Variants in RGS3 observed in about 807,000 individuals in gnomAD.
The protein encoded by RGS3 is regulator of G protein signaling 3, also known as regulator of G-protein signalling 3.
Under a neutral mutation model 132.6 loss-of-function variants are expected in RGS3, and 80 were observed. That is an observed-to-expected ratio of 0.60 (90% CI 0.50 to 0.73). RGS3 has a LOEUF of 0.73. Among genes scored for constraint, RGS3 ranks in the 30% least tolerant of loss-of-function variants. The pLI is 0.00. For synonymous variants in RGS3, 598 were observed against 620.6 expected (o/e 0.96, Z 0.54); for missense variants, 1,382 against 1,530.8 (o/e 0.90, Z 1.62).
intron 20 of RGS3, among the ~76,000 whole-genome samples, chr9:113,587,741 T>G (rs2119008494): frequency 6.6e-6 from 1 of 152,314 alleles, no homozygotes; most frequent in South Asian, 2.1e-4. Context: ...CAGGCAGACC[T>G]CAGAGATAGT....
At chr9:113,520,122 T>A (rs2119397654) in intron 16 of RGS3, among the ~76,000 whole-genome samples, 1 of 152,360 alleles carries the variant, frequency 6.6e-6, no homozygotes, top group African/African-American at 2.4e-5. Context: ...ATCCCTCAAC[T>A]CTGACCCTTT....
intron 3 of RGS3, among the ~76,000 whole-genome samples, chr9:113,476,149 G>A (rs549645232): frequency 1.1e-4 from 16 of 152,270 alleles, no homozygotes; most frequent in East Asian, 5.8e-4. Context: ...TGCTGTCCCC[G>A]ATGGTTCTCT....
At chr9:113,450,629 A>G (rs1326890392) in intron 1 of RGS3, among the ~76,000 whole-genome samples, 1 of 152,128 alleles carries the variant, frequency 6.6e-6, no homozygotes, top group Admixed American at 6.5e-5. Context: ...GAGTCGTTAG[A>G]ACAGGTGAGC....
At chr9:113,517,392 T>TG (rs1831732176) in intron 15 of RGS3, 149 bp from the exon 14 acceptor site, 2 of 709,738 alleles carry the variant, frequency 2.8e-6, no homozygotes, top group Non-Finnish European at 2.6e-6. Context: ...TATGAGGGGG[T>TG]GTGTGGGTTC....
At chr9:113,550,371 A>G (rs1833290621) in intron 19 of RGS3, among the ~76,000 whole-genome samples, 1 of 152,340 alleles carries the variant, frequency 6.6e-6, no homozygotes, top group South Asian at 2.1e-4. Context: ...CTCAAAAAGG[A>G]ACTAAATAAA....
intron 3 of RGS3, among the ~76,000 whole-genome samples, chr9:113,478,671 G>A (rs1369161185): frequency 6.6e-6 from 1 of 152,106 alleles, no homozygotes; most frequent in Non-Finnish European, 1.5e-5. Context: ...AAATAGCTGG[G>A]CACCGTGGTT....
intron 3 of RGS3, among the ~76,000 whole-genome samples, chr9:113,467,077 T>G (rs935561489): frequency 2.1e-4 from 32 of 152,326 alleles, no homozygotes; most frequent in African/African-American, 7.2e-4. Flanking sequence ...CTGAGTAGTA[T>G]TCATTGTATG....
In RGS3 at chr9:113,579,858, C is replaced by A. The variant is rs1748134643; in HGVS notation, c.2038-3592C>A. Among the ~76,000 whole-genome samples, 1 of 152,198 alleles carries A rather than the reference C, an allele frequency of 6.6e-6. No individual in the cohort carries two copies. The highest frequency in any genetic ancestry group is 1.5e-5 in the Non-Finnish European group (1 of 68,034). ...CCATCCACACATCCTGCCCACATTC[C>A]CCAGAGCAGCTTTGACACAGCACAG... On this transcript the variant is annotated intron_variant, in intron 19 of 24. Transcript: ENST00000350696. This position sits in a 1 kb window ranked among gnomAD's most constrained non-coding sequence, Gnocchi z 4.3.
intron 19 of RGS3, among the ~76,000 whole-genome samples, chr9:113,577,491 G>A (rs371431280): frequency 6.6e-5 from 10 of 152,322 alleles, no homozygotes; most frequent in South Asian, 2.1e-4. Flanking sequence ...TGGGCAACTG[G>A]TGGTGGCTTC....
At chr9:113,445,267 G>A (rs911139587) in intron 1 of RGS3, among the ~76,000 whole-genome samples, 9 of 150,680 alleles carry the variant, frequency 6.0e-5, no homozygotes, top group Non-Finnish European at 1.0e-4. Flanking sequence ...GCGTGATCTC[G>A]GCTCACCGAA....
chr9:113,580,067 C>T (rs886716906), intron 19 of RGS3, among the ~76,000 whole-genome samples: 1 of 152,236 alleles, frequency 6.6e-6, no homozygotes, highest in African/African-American at 2.4e-5. Flanking sequence ...CACTTCCCAC[C>T]CCAGCTCTCC....
At chr9:113,522,016 CT>C (rs759905917) in intron 16 of RGS3, among the ~76,000 whole-genome samples, 12 of 152,202 alleles carry the variant, frequency 7.9e-5, no homozygotes, top group Non-Finnish European at 5.9e-5. Flanking sequence ...CTAAAGGCCA[CT>C]GCAGGATTTG....
chr9:113,594,152 G>A, intron 21 of RGS3: 1 of 1,613,186 alleles, frequency 6.2e-7, no homozygotes, highest in South Asian at 1.1e-5. Context: ...GGATTCCAGA[G>A]AGCGTGTGTG....
chr9:113,560,984 T>C (rs1483467416), intron 19 of RGS3, among the ~76,000 whole-genome samples: 1 of 152,172 alleles, frequency 6.6e-6, no homozygotes. Context: ...TGCTCTGGAA[T>C]TCCTGGGACC....
At chr9:113,497,969 G>A in intron 9 of RGS3, 56 bp from the exon 8 acceptor site, 1 of 1,581,676 alleles carries the variant, frequency 6.3e-7, no homozygotes. Flanking sequence ...GTGGTCCGAG[G>A]AGGGGAGACT....
exon 20 of RGS3, chr9:113,584,258 A>C: frequency 6.2e-7 from 1 of 1,612,478 alleles, no homozygotes; most frequent in South Asian, 1.1e-5. Context: ...AGCCTGCTGC[A>C]GGAGCCCCGA....
rs528627905 is a variant in RGS3 at position 113,497,527 on chromosome 9, G to T, written c.841+123G>T. ...ACTGAGAATGCTATCAGCCTGCTGG[G>T]TGCAGGGACTTCTCAGGAGCACTTG... On this transcript the variant is annotated intron_variant, in intron 9 of 24. Transcript: ENST00000350696. 10 of 777,300 alleles carry T rather than the reference G, an allele frequency of 1.3e-5. No homozygotes were observed. The East Asian group carries it at 2.4e-4, about 19-fold the overall frequency. 48.2% of individuals were successfully genotyped at this position (777,300 alleles called of 1,614,324 possible).
At chr9:113,468,196 T>G (rs1829711506) in intron 3 of RGS3, among the ~76,000 whole-genome samples, 1 of 152,246 alleles carries the variant, frequency 6.6e-6, no homozygotes, top group Non-Finnish European at 1.5e-5. Context: ...CTCTTATATT[T>G]AGGTCTTTGA....
intron 1 of RGS3, among the ~76,000 whole-genome samples, chr9:113,446,938 C>T (rs1173647926): frequency 6.6e-6 from 1 of 152,072 alleles, no homozygotes; most frequent in African/African-American, 2.4e-5. Flanking sequence ...ATCCCCTAAG[C>T]TTACCTTGGC....
Sources: allele counts gnomAD v4.1 joint callset (sites outside exome capture counted in the v4.1 genomes callset), GRCh38; gene constraint gnomAD v4.1.1; non-coding constraint Gnocchi (gnomAD v3.1); transcripts MANE v1.5; gene names NCBI Gene and HGNC (gene_info 2026-07-23, HGNC 2026-07-21).